CDK13: variants seen among roughly 807,000 people sequenced by gnomAD.
CDK13 encodes the protein cyclin-dependent kinase 13.
CDK13 carries 40 observed loss-of-function variants against 137.6 expected under a neutral mutation model. The observed-to-expected ratio is 0.29, with a 90% CI of 0.23 to 0.38. The LOEUF is 0.38. Ranked by LOEUF, CDK13 falls within the 10% of genes least tolerant of loss-of-function variation. The pLI is 1.00. For missense variants in CDK13, 1,704 were observed against 1,951.8 expected (o/e 0.87, Z 2.39); for synonymous variants, 869 against 760.1 (o/e 1.14, Z -2.36).
At chr7:40,027,892 A>G (rs867158726) in intron 5 of CDK13, among the ~76,000 whole-genome samples, 1 of 152,112 alleles carries the variant, frequency 6.6e-6, no homozygotes, top group African/African-American at 2.4e-5. Flanking sequence ...TTCTGAGAAT[A>G]GAGCAAGCAC....
chr7:39,981,950 C>T (rs1316400868), intron 1 of CDK13, among the ~76,000 whole-genome samples: 1 of 122,722 alleles, frequency 8.1e-6, no homozygotes, highest in African/African-American at 2.5e-5. Flanking sequence ...CGCCACTACG[C>T]CCGGCTAATT....
intron 3 of CDK13, 23 bp from the exon 4 acceptor site, chr7:39,999,338 A>G: frequency 6.3e-7 from 1 of 1,575,232 alleles, no homozygotes; most frequent in Non-Finnish European, 8.6e-7. Flanking sequence ...TGTATATAAA[A>G]ACTTTAGAAC....
chr7:40,074,811 C>G (rs1460616754), intron 9 of CDK13, among the ~76,000 whole-genome samples: 1 of 150,384 alleles, frequency 6.6e-6, no homozygotes, highest in East Asian at 1.9e-4. Context: ...AGCAGTGGAA[C>G]CCTGTGTCTA....
rs781502524 is a variant in CDK13, at chr7:39,951,835, C to G, written c.1194C>G (p.Pro398=). The part of the protein sequence containing the change: ...SSSSWRRSRS[P]YSPVLRRSGK... ...GCAGCTGGCGCCGCTCTCGCAGTCC[C>G]TACAGCCCTGTGCTCAGGTGAGTTC... Residue 398 remains proline, a synonymous_variant, in exon 1 of 14, where the codon CCC becomes CCG. Coordinates refer to ENST00000181839, the MANE Select transcript of CDK13 (RefSeq NM_003718.5). The G allele has an allele frequency of 3.5e-6, 5 of 1,436,046 alleles. No homozygotes were observed. The highest frequency in any genetic ancestry group is 4.5e-6 in the Non-Finnish European group (5 of 1,101,450). 89.0% of individuals were successfully genotyped at this position (1,436,046 alleles called of 1,614,324 possible).
At chr7:39,953,047 C>T (rs1787287852) in intron 1 of CDK13, 3 of 152,210 alleles carry the variant, frequency 2.0e-5, no homozygotes, top group South Asian at 2.1e-4. Flanking sequence ...TGTACAGTAC[C>T]TCTAAGTATG....
intron 1 of CDK13, chr7:39,985,192 A>G (rs1784312428): frequency 6.9e-6 from 1 of 144,268 alleles, no homozygotes; most frequent in African/African-American, 2.6e-5. Flanking sequence ...TTTAATTTTT[A>G]GCTCCCACAA....
chr7:39,965,656 CATT>C (rs1182153122), intron 1 of CDK13, among the ~76,000 whole-genome samples: 11 of 152,150 alleles, frequency 7.2e-5, no homozygotes, highest in Non-Finnish European at 1.3e-4. Context: ...TTGATCCTGT[CATT>C]ATGATGTTAG....
intron 6 of CDK13, among the ~76,000 whole-genome samples, chr7:40,046,695 A>G (rs1785749086): frequency 6.6e-6 from 1 of 151,808 alleles, no homozygotes; most frequent in Non-Finnish European, 1.5e-5. Context: ...GGGATACCTC[A>G]AAAGTTGTGT....
Position 39,951,716 on chromosome 7 carries a change from C to T in CDK13, c.1075C>T (p.Pro359Ser), listed in dbSNP as rs749976360. The T allele has an allele frequency of 1.4e-6, 2 of 1,480,214 alleles. No homozygotes were observed. Among genetic ancestry groups the T allele is most frequent in the South Asian group, 2.7e-5 (2 of 72,890 alleles). 91.7% of individuals were successfully genotyped at this position (1,480,214 alleles called of 1,614,324 possible). The change falls in exon 1 of 14, where the codon CCG becomes TCG. Residue 359 changes from proline to serine, a missense_variant. Coordinates refer to ENST00000181839, the MANE Select transcript of CDK13 (RefSeq NM_003718.5). ...CTATTCTCGGCGGCTGCCGCGCTCC[C>T]CGAGCCCCTACAGTCGCCGCCGCTC... ...SPYSRRLPRS[P>S]SPYSRRRSPS...
intron 5 of CDK13, among the ~76,000 whole-genome samples, chr7:40,004,194 G>A (rs936347081): frequency 6.6e-6 from 1 of 151,938 alleles, no homozygotes; most frequent in Middle Eastern, 3.4e-3. Context: ...AGTCTTCCTG[G>A]TATTATAATT....
At chr7:40,041,961 A>G (rs561442798) in intron 5 of CDK13, among the ~76,000 whole-genome samples, 2 of 152,260 alleles carry the variant, frequency 1.3e-5, no homozygotes, top group Admixed American at 1.3e-4. Context: ...TTTGATTTGT[A>G]TATTTTGTTT....
At chr7:40,066,139 C>G (rs192734877) in intron 9 of CDK13, among the ~76,000 whole-genome samples, 1 of 152,160 alleles carries the variant, frequency 6.6e-6, no homozygotes, top group East Asian at 1.9e-4. Context: ...CCCAGGAAGT[C>G]GAGACTGCAG....
At chr7:40,034,287 C>T (rs914185783) in intron 5 of CDK13, among the ~76,000 whole-genome samples, 6 of 152,168 alleles carry the variant, frequency 3.9e-5, no homozygotes, top group African/African-American at 1.4e-4. Flanking sequence ...CTGCCTGCCT[C>T]TCTCTCTAAT....
At chr7:40,039,212 G>A (rs1464084454) in intron 5 of CDK13, among the ~76,000 whole-genome samples, 3 of 151,812 alleles carry the variant, frequency 2.0e-5, no homozygotes, top group African/African-American at 7.3e-5. Context: ...CTTTCTGTAA[G>A]GTCGTTGATC....
chr7:40,074,241 G>A (rs1049346742), intron 9 of CDK13, among the ~76,000 whole-genome samples: 2 of 152,146 alleles, frequency 1.3e-5, no homozygotes, highest in Non-Finnish European at 2.9e-5. Context: ...AATGGGCATG[G>A]GCCAGGTGCG....
intron 11 of CDK13, among the ~76,000 whole-genome samples, chr7:40,084,453 G>C (rs1203098935): frequency 6.6e-6 from 1 of 152,164 alleles, no homozygotes; most frequent in East Asian, 1.9e-4. Context: ...ACTCCACCCT[G>C]GGTGACAAGA....
At chr7:40,006,239 C>A (rs1784793653) in intron 5 of CDK13, among the ~76,000 whole-genome samples, 1 of 152,058 alleles carries the variant, frequency 6.6e-6, no homozygotes, top group South Asian at 2.1e-4. Flanking sequence ...TACTCAGTTT[C>A]TTCATGTATG....
At chr7:39,992,160 GA>G (rs370377902) in intron 2 of CDK13, among the ~76,000 whole-genome samples, 4 of 52,364 alleles carry the variant, frequency 7.6e-5, no homozygotes, top group Admixed American at 3.0e-4. Flanking sequence ...GAGAACTAAT[GA>G]GGGTGTGTGT....
intron 5 of CDK13, among the ~76,000 whole-genome samples, chr7:40,030,628 A>G (rs567065519): frequency 6.6e-6 from 1 of 151,482 alleles, no homozygotes; most frequent in South Asian, 2.1e-4. Flanking sequence ...GCAACTTCTG[A>G]CCTCAAGTGA....
Sources: allele counts gnomAD v4.1 joint callset (sites outside exome capture counted in the v4.1 genomes callset), GRCh38; gene constraint gnomAD v4.1.1; transcripts MANE v1.5; gene names NCBI Gene and HGNC (gene_info 2026-07-23, HGNC 2026-07-21).